The following ERC2 variants were observed in gnomAD, a reference collection of about 807,000 sequenced individuals.
The protein encoded by ERC2 is ERC protein 2.
Under a neutral mutation model 114.8 loss-of-function variants are expected in ERC2, and 42 were observed. That is an observed-to-expected ratio of 0.37 (90% CI 0.29 to 0.47). The LOEUF is 0.47. Ranked by LOEUF, ERC2 falls within the 20% of genes least tolerant of loss-of-function variation. ERC2 has a pLI of 0.99. For synonymous variants in ERC2, 454 were observed against 425.5 expected, an observed-to-expected ratio of 1.07 and a Z score of -0.82; for missense variants, 939 against 1,150.7, an observed-to-expected ratio of 0.82 and a Z score of 2.66.
At chr3:55,987,274 T>G (rs1323481306) in intron 11 of ERC2, among the ~76,000 whole-genome samples, 2 of 152,184 alleles carry the variant, frequency 1.3e-5, no homozygotes, top group African/African-American at 4.8e-5. Context: ...AAGCTGCCAT[T>G]TCAAATCCTT....
chr3:55,929,670 G>A (rs1313543296), intron 13 of ERC2, among the ~76,000 whole-genome samples: 1 of 152,204 alleles, frequency 6.6e-6, no homozygotes, highest in Non-Finnish European at 1.5e-5. Flanking sequence ...GTAATCCCCA[G>A]TGTTGAAGGA....
At chr3:55,952,217 T>TATATATATATATATATATA (rs71294735) in intron 12 of ERC2, among the ~76,000 whole-genome samples, 1 of 134,414 alleles carries the variant, frequency 7.4e-6, no homozygotes, top group East Asian at 2.1e-4. Context: ...TATATATATA[T>TATATATATATATATATATA]TCTGAACACT....
chr3:55,651,735 T>G (rs1406112849), intron 17 of ERC2, among the ~76,000 whole-genome samples: 1 of 152,198 alleles, frequency 6.6e-6, no homozygotes, highest in Admixed American at 6.5e-5. Context: ...ATTTTGTCAA[T>G]GAAATCTTAC....
intron 2 of ERC2, among the ~76,000 whole-genome samples, chr3:56,332,368 A>T (rs1405713105): frequency 1.3e-5 from 2 of 152,186 alleles, no homozygotes; most frequent in African/African-American, 4.8e-5. Flanking sequence ...GTTACTGAAC[A>T]CCTGCTGATG....
intron 14 of ERC2, among the ~76,000 whole-genome samples, chr3:55,799,062 T>C (rs971811027): frequency 2.0e-5 from 3 of 152,020 alleles, no homozygotes; most frequent in African/African-American, 7.2e-5. Context: ...CTCTATATAA[T>C]ATGGAAGGGG....
At chr3:56,296,976 CT>C (rs1233449224) in intron 2 of ERC2, among the ~76,000 whole-genome samples, 35 of 152,110 alleles carry the variant, frequency 2.3e-4, no homozygotes, top group Non-Finnish European at 8.8e-5. Flanking sequence ...ATTACTGCAT[CT>C]GCAAGCAAAA....
chr3:55,994,929 T>C (rs2071390124), intron 10 of ERC2, among the ~76,000 whole-genome samples: 1 of 152,216 alleles, frequency 6.6e-6, no homozygotes, highest in Non-Finnish European at 1.5e-5. Flanking sequence ...CATCATTTGA[T>C]GCTGAAGTTA....
intron 3 of ERC2, among the ~76,000 whole-genome samples, chr3:56,240,952 A>AT: frequency 6.6e-6 from 1 of 152,044 alleles, no homozygotes; most frequent in East Asian, 1.9e-4. Context: ...CCAATAGGTA[A>AT]TTTTTCAGTC....
intron 17 of ERC2, among the ~76,000 whole-genome samples, chr3:55,516,943 A>G (rs1292963927): frequency 3.3e-5 from 5 of 152,138 alleles, no homozygotes; most frequent in Non-Finnish European, 7.4e-5. Flanking sequence ...AGCTTAGAAG[A>G]ACTGGATGCT....
intron 2 of ERC2, among the ~76,000 whole-genome samples, chr3:56,327,324 C>A (rs11710542): frequency 0.21 from 31,845 of 152,058 alleles, 4,193 homozygotes; most frequent in Non-Finnish European, 0.28. Context: ...CAAACACTTA[C>A]AAAAGCATCA....
intron 3 of ERC2, among the ~76,000 whole-genome samples, chr3:56,293,311 T>C (rs2150351409): frequency 6.6e-6 from 1 of 152,354 alleles, no homozygotes; most frequent in East Asian, 1.9e-4. Context: ...ATCCTCTTGC[T>C]GTATTAGAGG....
intron 3 of ERC2, among the ~76,000 whole-genome samples, chr3:56,226,725 AAC>A (rs1398607095): frequency 6.6e-6 from 1 of 152,030 alleles, no homozygotes; most frequent in Non-Finnish European, 1.5e-5. Context: ...AGAGCATATA[AAC>A]ACTCCTGTCT....
intron 11 of ERC2, among the ~76,000 whole-genome samples, chr3:55,987,263 C>T (rs1444200226): frequency 6.6e-6 from 1 of 152,228 alleles, no homozygotes; most frequent in Admixed American, 6.5e-5. Flanking sequence ...AACACTGGCC[C>T]AAGCTGCCAT....
intron 2 of ERC2, among the ~76,000 whole-genome samples, chr3:56,426,434 T>C (rs1172500014): frequency 6.6e-6 from 1 of 152,254 alleles, no homozygotes; most frequent in Non-Finnish European, 1.5e-5. Flanking sequence ...GGAATATTTA[T>C]AATTTGTAAC....
chr3:56,018,880 G>C lies in ERC2; in HGVS notation c.1779+14C>G. On this transcript the variant is annotated intron_variant, in intron 8 of 17. Coordinates refer to ENST00000288221, the MANE Select transcript of ERC2 (RefSeq NM_015576.3). ...CCCATATCCTGATTCCCCAGTTTTT[G>C]AGTGCATGCTCACCTTCTCTGACAG... 3.1e-6 allele frequency: 5 copies of C among 1,605,458 alleles called. No individual in the cohort carries two copies. Among genetic ancestry groups the C allele is most frequent in the Non-Finnish European group, 4.2e-6 (5 of 1,176,986 alleles).
intron 17 of ERC2, among the ~76,000 whole-genome samples, chr3:55,559,720 C>G (rs2055872265): frequency 6.6e-6 from 1 of 152,220 alleles, no homozygotes; most frequent in African/African-American, 2.4e-5. Flanking sequence ...TGCCTTTGGC[C>G]TCTCTCCACT....
chr3:55,561,053 G>A (rs147707850), intron 17 of ERC2, among the ~76,000 whole-genome samples: 1 of 151,274 alleles, frequency 6.6e-6, no homozygotes, highest in Non-Finnish European at 1.5e-5. Context: ...TCAATATATC[G>A]ATGGCCAAAG....
At chr3:56,130,074 T>A (rs1253382073) in intron 6 of ERC2, among the ~76,000 whole-genome samples, 1 of 152,212 alleles carries the variant, frequency 6.6e-6, no homozygotes, top group African/African-American at 2.4e-5. Context: ...AGTAACAATA[T>A]GAAATTGAAA....
chr3:55,968,024 C>G (rs2068878446), intron 12 of ERC2, among the ~76,000 whole-genome samples: 1 of 152,142 alleles, frequency 6.6e-6, no homozygotes, highest in African/African-American at 2.4e-5. Flanking sequence ...TATAGCACCA[C>G]AAAACAGATA....
Sources: allele counts gnomAD v4.1 joint callset (sites outside exome capture counted in the v4.1 genomes callset), GRCh38; gene constraint gnomAD v4.1.1; transcripts MANE v1.5; gene names NCBI Gene and HGNC (gene_info 2026-07-23, HGNC 2026-07-21).